The following FNBP1 variants were observed in gnomAD, a reference collection of about 807,000 sequenced individuals.
FNBP1 encodes formin binding protein 1.
FNBP1 carries 26 observed loss-of-function variants against 90.6 expected under a neutral mutation model. That is an observed-to-expected ratio of 0.29 (90% confidence interval 0.21 to 0.40). FNBP1 has a LOEUF of 0.40. Among genes scored for constraint, FNBP1 ranks in the 10% least tolerant of loss-of-function variants. The pLI is 1.00. For missense variants in FNBP1, 635 were observed against 768.0 expected, an observed-to-expected ratio of 0.83 and a Z score of 2.05; for synonymous variants, 260 against 265.2, an observed-to-expected ratio of 0.98 and a Z score of 0.19.
Position 130,027,929 on chromosome 9 carries a change from T to TA in FNBP1, c.24+15022dup, listed in dbSNP as rs997094046. Among the ~76,000 whole-genome samples, 239 of 146,478 alleles carry TA rather than the reference T, an allele frequency of 1.6e-3. 12 individuals are homozygous for TA. Among genetic ancestry groups the TA allele is most frequent in the Admixed American group, 1.2e-3 (18 of 14,678 alleles). ...TTTGTGATTCTGCTTCAGAAATCAT[T>TA]AAAAAAAAAAATAGGGTCTCATTGT... On this transcript the variant is annotated intron_variant, in intron 1 of 16. Transcript: ENST00000446176.
chr9:129,972,704 G>A (rs1173879390), intron 4 of FNBP1, among the ~76,000 whole-genome samples: 1 of 152,070 alleles, frequency 6.6e-6, no homozygotes, highest in Admixed American at 6.6e-5. Context: ...GATAGTTTTT[G>A]TATTTTTAGT....
Position 129,922,345 on chromosome 9 carries a change from G to A in FNBP1, c.1170+1499C>T, listed in dbSNP as rs542656699. Among the ~76,000 whole-genome samples the A allele has an allele frequency of 1.4e-3, 217 of 152,232 alleles. 1 individual carries two copies. Among genetic ancestry groups the A allele is most frequent in the Admixed American group, 2.6e-3 (39 of 15,294 alleles). On this transcript the variant is annotated intron_variant, in intron 10 of 16. Transcript: ENST00000446176. ...GCACATCAATCTTAATGAGGACAGC[G>A]GACTTCAATCTTAATAACAACCACT...
intron 12 of FNBP1, among the ~76,000 whole-genome samples, chr9:129,907,878 G>A (rs993940926): frequency 2.0e-5 from 3 of 150,944 alleles, no homozygotes; most frequent in Non-Finnish European, 3.0e-5. Context: ...ATAGGCGCCC[G>A]CCACCATGCG....
At chr9:130,011,586 C>A (rs2056610358) in intron 1 of FNBP1, among the ~76,000 whole-genome samples, 1 of 151,984 alleles carries the variant, frequency 6.6e-6, no homozygotes, top group Non-Finnish European at 1.5e-5. Context: ...TGTGGCAACA[C>A]CAACACCTAG....
chr9:129,997,912 C>T (rs1410780838), intron 1 of FNBP1, among the ~76,000 whole-genome samples: 4 of 151,950 alleles, frequency 2.6e-5, no homozygotes, highest in Non-Finnish European at 5.9e-5. Context: ...CCCAGCTGGG[C>T]GCGGTGGCTC....
intron 11 of FNBP1, among the ~76,000 whole-genome samples, chr9:129,915,739 G>A (rs991607303): frequency 9.9e-5 from 15 of 152,164 alleles, no homozygotes; most frequent in Non-Finnish European, 1.9e-4. Flanking sequence ...CAAGTCGTGA[G>A]TTAAATGTTA....
At chr9:129,963,633 T>A (rs867883448) in intron 4 of FNBP1, among the ~76,000 whole-genome samples, 52 of 73,638 alleles carry the variant, frequency 7.1e-4, no homozygotes, top group African/African-American at 1.9e-3. Context: ...TTTTTTTTTT[T>A]TAAAAAAACA....
At chr9:130,019,854 G>A (rs1000784941) in intron 1 of FNBP1, among the ~76,000 whole-genome samples, 4 of 151,754 alleles carry the variant, frequency 2.6e-5, no homozygotes, top group East Asian at 1.9e-4. Flanking sequence ...CACCGCGCCC[G>A]GCCCACAATG....
chr9:129,938,884 T>C (rs2043899659), intron 6 of FNBP1, among the ~76,000 whole-genome samples: 1 of 152,210 alleles, frequency 6.6e-6, no homozygotes, highest in South Asian at 2.1e-4. Flanking sequence ...ATGTAAATGA[T>C]GGTTTCCAAG....
At chr9:130,034,351 T>C (rs2059118381) in intron 1 of FNBP1, among the ~76,000 whole-genome samples, 1 of 147,700 alleles carries the variant, frequency 6.8e-6, no homozygotes, top group Admixed American at 6.8e-5. Flanking sequence ...GGCGTGGTAG[T>C]GTACACCTGT....
chr9:129,939,856 G>A (rs1200833420), intron 6 of FNBP1, among the ~76,000 whole-genome samples: 6 of 152,054 alleles, frequency 3.9e-5, no homozygotes, highest in South Asian at 2.1e-4. Context: ...GAGCTGATGC[G>A]ATAGTAAGAA....
intron 6 of FNBP1, among the ~76,000 whole-genome samples, chr9:129,948,301 T>G (rs2045637637): frequency 6.6e-6 from 1 of 151,364 alleles, no homozygotes; most frequent in African/African-American, 2.4e-5. Context: ...AAATACCTAT[T>G]TAATTTAATT....
At chr9:130,017,871 GTTT>G (rs373281834) in intron 1 of FNBP1, among the ~76,000 whole-genome samples, 18 of 93,774 alleles carry the variant, frequency 1.9e-4, no homozygotes, top group Non-Finnish European at 3.0e-4. Flanking sequence ...GTCTAACGTG[GTTT>G]TTTTTTTTTT....
intron 4 of FNBP1, among the ~76,000 whole-genome samples, chr9:129,977,844 ATTAC>A (rs1417372140): frequency 1.3e-5 from 2 of 151,758 alleles, no homozygotes; most frequent in Admixed American, 6.6e-5. Context: ...ACCATATTAT[ATTAC>A]TTACTTGTTT....
intron 11 of FNBP1, among the ~76,000 whole-genome samples, chr9:129,912,895 T>G (rs2039580641): frequency 1.3e-5 from 2 of 152,056 alleles, no homozygotes; most frequent in South Asian, 4.1e-4. Context: ...GGAACTGAAT[T>G]TTTAAAAATT....
At chr9:129,969,990 G>A (rs2049200968) in intron 4 of FNBP1, among the ~76,000 whole-genome samples, 2 of 148,302 alleles carry the variant, frequency 1.3e-5, no homozygotes, top group East Asian at 2.0e-4. Context: ...CCAGGTTCAC[G>A]CCATTCTCCT....
chr9:129,928,224 A>G (rs2042201686), intron 7 of FNBP1, among the ~76,000 whole-genome samples: 1 of 152,266 alleles, frequency 6.6e-6, no homozygotes, highest in African/African-American at 2.4e-5. Flanking sequence ...TGAGCAAAAG[A>G]AAACAATCCA....
chr9:129,925,123 C>T lies in FNBP1; in HGVS notation c.824G>A (p.Gly275Glu), dbSNP rs1283269826. 6.2e-7 allele frequency: 1 copy of T among 1,613,740 alleles called. No individual in the cohort carries two copies. The highest frequency in any genetic ancestry group is 8.5e-7 in the Non-Finnish European group (1 of 1,179,738). The change falls in exon 9 of 17, where the codon GGG (glycine) becomes GAG (glutamate). Residue 275 changes from glycine (G) to glutamate (E), a missense_variant. Physicochemically the swap from Gly to Glu is moderately conservative, Grantham distance 98. Coordinates refer to ENST00000446176, the MANE Select transcript of FNBP1 (RefSeq NM_015033.3). ...TTCAATGTCTCCAGGAGGCTCAAACCCTGATTTATAAGCTTCTATTACCAG... is the reference window on the plus strand; with the variant it reads ...TTCAATGTCTCCAGGAGGCTCAAACTCTGATTTATAAGCTTCTATTACCAG... ...SQLVIEAYKS[G>E]FEPPGDIEFE...
At chr9:130,047,210 A>T (rs1376257285), upstream of FNBP1, among the ~76,000 whole-genome samples, 1 of 152,186 alleles carries the variant, frequency 6.6e-6, no homozygotes, top group Non-Finnish European at 1.5e-5. Flanking sequence ...AAAGAACACT[A>T]AATTAAAGGA....
Sources: gnomAD v4.1 joint callset for allele counts (sites outside exome capture counted in the v4.1 genomes callset) on GRCh38, gnomAD v4.1.1 for gene constraint, MANE v1.5 for transcripts, NCBI Gene and HGNC (gene_info 2026-07-23, HGNC 2026-07-21) for gene names.